The following LINGO2 variants were observed in gnomAD, a reference collection of about 807,000 sequenced individuals.
LINGO2 encodes leucine rich repeat and Ig domain containing 2.
LINGO2 carries 14 observed loss-of-function variants against 30.6 expected under a neutral mutation model. The observed-to-expected ratio is 0.46, with a 90% CI of 0.30 to 0.72. LINGO2 has a LOEUF of 0.72. Among genes scored for constraint, LINGO2 ranks in the 30% least tolerant of loss-of-function variants. The pLI, the probability that LINGO2 is intolerant of heterozygous loss-of-function variation, is 0.07. For synonymous variants in LINGO2, 317 were observed against 288.5 expected (o/e 1.10, Z -1.00); for missense variants, 729 against 751.7 (o/e 0.97, Z 0.35).
intron 4 of LINGO2, among the ~76,000 whole-genome samples, chr9:28,018,424 GA>G (rs1280026539): frequency 6.6e-6 from 1 of 152,026 alleles, no homozygotes; most frequent in Non-Finnish European, 1.5e-5. Flanking sequence ...TCCCATTATA[GA>G]ATCAGAGAAA....
chr9:28,767,895 C>A, the LINGO2 span, among the ~76,000 whole-genome samples: 1 of 151,800 alleles, frequency 6.6e-6, no homozygotes, highest in Non-Finnish European at 1.5e-5. Context: ...GAAGAGAGGC[C>A]ATTTAATTTG....
chr9:28,815,268 A>G, the LINGO2 span, among the ~76,000 whole-genome samples: 3,614 of 152,302 alleles, frequency 0.024, 140 homozygotes, highest in African/African-American at 0.081. Context: ...AATTGCTCAT[A>G]TATTTTCTTA....
At chr9:28,840,523 C>A in the LINGO2 span, among the ~76,000 whole-genome samples, 1 of 151,874 alleles carries the variant, frequency 6.6e-6, no homozygotes, top group Non-Finnish European at 1.5e-5. Flanking sequence ...TCTTGCCCCT[C>A]TCCAATCCAT....
chr9:28,618,367 C>G (rs1021020014), intron 1 of LINGO2, among the ~76,000 whole-genome samples: 6 of 152,210 alleles, frequency 3.9e-5, no homozygotes, highest in African/African-American at 1.4e-4. Context: ...GTTTCTCTCT[C>G]TCTCCTTTTC....
the LINGO2 span, among the ~76,000 whole-genome samples, chr9:28,992,299 A>T: frequency 7.9e-5 from 12 of 152,074 alleles, no homozygotes; most frequent in Non-Finnish European, 1.5e-4. Context: ...AGGGATCAAT[A>T]CAACAAGAAG....
At chr9:28,777,152 G>T in the LINGO2 span, among the ~76,000 whole-genome samples, 4 of 152,104 alleles carry the variant, frequency 2.6e-5, no homozygotes, top group African/African-American at 9.7e-5. Flanking sequence ...CTGTGGAACT[G>T]TGAGTCAATT....
intron 1 of LINGO2, among the ~76,000 whole-genome samples, chr9:28,590,540 A>T (rs1824828760): frequency 6.6e-6 from 1 of 152,176 alleles, no homozygotes; most frequent in Admixed American, 6.6e-5. Context: ...TTATGCAGCC[A>T]AAAAACACAT....
At chr9:28,476,424 C>A (rs954973868) in intron 1 of LINGO2, among the ~76,000 whole-genome samples, 98 of 151,988 alleles carry the variant, frequency 6.4e-4, no homozygotes, top group Non-Finnish European at 1.3e-3. Flanking sequence ...TACAGGCGCC[C>A]GCCACCACGC....
chr9:28,759,422 CCTGTAATCCCAGAA>C, the LINGO2 span, among the ~76,000 whole-genome samples: 2 of 151,986 alleles, frequency 1.3e-5, no homozygotes, highest in Non-Finnish European at 2.9e-5. Context: ...GTGGCTCACA[CCTGTAATCCCAGAA>C]CTTTGGGAGG....
intron 2 of LINGO2, among the ~76,000 whole-genome samples, chr9:28,436,500 A>G (rs972526338): frequency 6.6e-6 from 1 of 151,538 alleles, no homozygotes; most frequent in Non-Finnish European, 1.5e-5. Flanking sequence ...CTCTGTCGCC[A>G]AGGCTGGAAT....
chr9:28,025,906 T>C (rs1296517935), intron 4 of LINGO2, among the ~76,000 whole-genome samples: 2 of 151,974 alleles, frequency 1.3e-5, no homozygotes, highest in Admixed American at 6.6e-5. Flanking sequence ...AATTTAAAAA[T>C]GCAAATCTCA....
the LINGO2 span, among the ~76,000 whole-genome samples, chr9:28,997,683 C>T: frequency 2.6e-5 from 4 of 151,944 alleles, no homozygotes; most frequent in Admixed American, 2.6e-4. Context: ...ATTAGCTGGG[C>T]ATGGTAGTGG....
intron 2 of LINGO2, among the ~76,000 whole-genome samples, chr9:28,388,013 A>C (rs1448587816): frequency 6.6e-6 from 1 of 152,168 alleles, no homozygotes; most frequent in Non-Finnish European, 1.5e-5. Flanking sequence ...GATCACTTTT[A>C]AGGCCCTCAT....
At chr9:29,211,585 C>CTCT in the LINGO2 span, among the ~76,000 whole-genome samples, 4 of 126,106 alleles carry the variant, frequency 3.2e-5, no homozygotes, top group East Asian at 2.6e-4. Context: ...TCTCTTCTCT[C>CTCT]TCTCTCTCTC....
At chr9:29,174,404 A>G in the LINGO2 span, among the ~76,000 whole-genome samples, 2 of 152,206 alleles carry the variant, frequency 1.3e-5, no homozygotes, top group African/African-American at 4.8e-5. Flanking sequence ...AGTAAAATAT[A>G]CTTGGTCTGA....
chr9:29,082,053 T>G, the LINGO2 span, among the ~76,000 whole-genome samples: 1 of 152,112 alleles, frequency 6.6e-6, no homozygotes, highest in African/African-American at 2.4e-5. Context: ...ACCAATGACT[T>G]TCTTCACAGA....
the LINGO2 span, among the ~76,000 whole-genome samples, chr9:28,734,088 C>A: frequency 6.6e-6 from 1 of 151,660 alleles, no homozygotes; most frequent in Non-Finnish European, 1.5e-5. Context: ...ATATATATAC[C>A]TATAATAAAT....
chr9:28,662,437 C>T (rs866215832), intron 1 of LINGO2, among the ~76,000 whole-genome samples: 37 of 152,276 alleles, frequency 2.4e-4, no homozygotes, highest in African/African-American at 7.5e-4. Context: ...TACAGTCCCA[C>T]CTCCTCATGT....
At chr9:28,768,702 T>C in the LINGO2 span, among the ~76,000 whole-genome samples, 4 of 152,070 alleles carry the variant, frequency 2.6e-5, no homozygotes, top group Admixed American at 2.0e-4. Context: ...CACAAATATA[T>C]GTTTAATTTT....
Sources: allele counts gnomAD v4.1 joint callset (sites outside exome capture counted in the v4.1 genomes callset), GRCh38; gene constraint gnomAD v4.1.1; transcripts MANE v1.5; gene names NCBI Gene and HGNC (gene_info 2026-07-23, HGNC 2026-07-21).